ROBO1: variants seen among roughly 807,000 people sequenced by gnomAD.
ROBO1 encodes the protein roundabout homolog 1.
ROBO1 carries 149 observed loss-of-function variants against 195.9 expected under a neutral mutation model. The observed-to-expected ratio is 0.76, with a 90% CI of 0.67 to 0.87. The LOEUF (loss-of-function observed/expected upper bound fraction) is 0.87. Among genes scored for constraint, ROBO1 ranks in the 40% least tolerant of loss-of-function variants. ROBO1 has a pLI of 0.00. For synonymous variants in ROBO1, 816 were observed against 733.2 expected (o/e 1.11, Z -1.82); for missense variants, 1,933 against 2,068.3 (o/e 0.93, Z 1.27).
At chr3:79,688,193 G>A (rs1319156299) in intron 1 of ROBO1, among the ~76,000 whole-genome samples, 5 of 136,428 alleles carry the variant, frequency 3.7e-5, no homozygotes, top group Admixed American at 8.2e-5. Context: ...CACAGGAAGG[G>A]GAACATCACA....
intron 2 of ROBO1, among the ~76,000 whole-genome samples, chr3:79,388,494 G>T (rs1470829785): frequency 6.6e-6 from 1 of 151,388 alleles, no homozygotes; most frequent in Non-Finnish European, 1.5e-5. Flanking sequence ...TGGTATAATA[G>T]ATATCATCTC....
At chr3:78,677,327 T>A (rs1339620532) in intron 10 of ROBO1, among the ~76,000 whole-genome samples, 1 of 152,214 alleles carries the variant, frequency 6.6e-6, no homozygotes, top group Non-Finnish European at 1.5e-5. Context: ...ATAACAATAT[T>A]AACTTTAAAT....
chr3:79,387,285 C>T (rs138107512), intron 2 of ROBO1, among the ~76,000 whole-genome samples: 6 of 151,992 alleles, frequency 3.9e-5, no homozygotes, highest in African/African-American at 1.4e-4. Context: ...AAATTTGTAG[C>T]AGTAACTATT....
At chr3:79,304,037 T>A (rs905241346) in intron 2 of ROBO1, among the ~76,000 whole-genome samples, 5 of 152,240 alleles carry the variant, frequency 3.3e-5, no homozygotes, top group Admixed American at 6.5e-5. Context: ...TTTCATTTTT[T>A]AAAAATGTCC....
chr3:78,904,603 G>T (rs2037778825), intron 4 of ROBO1, among the ~76,000 whole-genome samples: 2 of 151,476 alleles, frequency 1.3e-5, no homozygotes, highest in South Asian at 4.1e-4. Context: ...CTCAGTAAAG[G>T]TTGGAGTGAA....
At chr3:78,866,188 G>A (rs1375843186) in intron 4 of ROBO1, among the ~76,000 whole-genome samples, 1 of 151,890 alleles carries the variant, frequency 6.6e-6, no homozygotes, top group Admixed American at 6.6e-5. Flanking sequence ...ATTTAAAACA[G>A]GAAAAGGGAA....
At chr3:78,921,412 A>G (rs1412790536) in intron 4 of ROBO1, among the ~76,000 whole-genome samples, 1 of 152,208 alleles carries the variant, frequency 6.6e-6, no homozygotes, top group Admixed American at 6.5e-5. Context: ...ACATCCAGGA[A>G]TGTACTTAAG....
chr3:79,096,828 A>T (rs955754333), intron 3 of ROBO1, among the ~76,000 whole-genome samples: 1 of 151,318 alleles, frequency 6.6e-6, no homozygotes, highest in Admixed American at 6.6e-5. Flanking sequence ...AGAAAGGAGC[A>T]TCTTTTGCAG....
chr3:79,347,745 T>G (rs1368918881), intron 2 of ROBO1, among the ~76,000 whole-genome samples: 1 of 152,294 alleles, frequency 6.6e-6, no homozygotes, highest in African/African-American at 2.4e-5. Context: ...GCACAAAAGT[T>G]ATTTAAACAC....
chr3:79,334,312 AT>A (rs1190914596), intron 2 of ROBO1, among the ~76,000 whole-genome samples: 2,349 of 39,704 alleles, frequency 0.059, 52 homozygotes, highest in African/African-American at 0.11. Flanking sequence ...AAAAAAAAAA[AT>A]ATATATATAT....
intron 3 of ROBO1, among the ~76,000 whole-genome samples, chr3:79,031,065 T>C (rs749279590): frequency 6.6e-6 from 1 of 152,120 alleles, no homozygotes; most frequent in Non-Finnish European, 1.5e-5. Context: ...TTCAGTAGGG[T>C]AATAAAGGTG....
At chr3:78,964,595 G>A (rs1019265747) in intron 3 of ROBO1, among the ~76,000 whole-genome samples, 1 of 152,084 alleles carries the variant, frequency 6.6e-6, no homozygotes, top group Admixed American at 6.5e-5. Flanking sequence ...TGCTGTTTAG[G>A]AGCACTCAAT....
At chr3:79,635,454 T>C (rs1945469442) in intron 1 of ROBO1, among the ~76,000 whole-genome samples, 2 of 152,238 alleles carry the variant, frequency 1.3e-5, no homozygotes, top group Admixed American at 6.5e-5. Context: ...AAGTAAATTA[T>C]ATTTTTTCAT....
chr3:79,569,673 G>A (rs372425796), intron 2 of ROBO1, among the ~76,000 whole-genome samples: 2,930 of 85,738 alleles, frequency 0.034, 116 homozygotes, highest in African/African-American at 0.15. Flanking sequence ...GTGTGTGTGT[G>A]TATATATGTG....
chr3:79,300,552 C>A (rs1213339870), intron 2 of ROBO1, among the ~76,000 whole-genome samples: 1 of 152,194 alleles, frequency 6.6e-6, no homozygotes, highest in African/African-American at 2.4e-5. Flanking sequence ...GAGCGCTGAC[C>A]CCCGCTCCAT....
At chr3:79,641,954 G>A (rs1276728512) in intron 1 of ROBO1, among the ~76,000 whole-genome samples, 2 of 152,144 alleles carry the variant, frequency 1.3e-5, no homozygotes, top group Non-Finnish European at 2.9e-5. Flanking sequence ...AGGAGGTTGA[G>A]GCTAAACTGA....
chr3:79,177,132 G>C (rs1446081606), intron 2 of ROBO1, among the ~76,000 whole-genome samples: 1 of 151,992 alleles, frequency 6.6e-6, no homozygotes, highest in Non-Finnish European at 1.5e-5. Flanking sequence ...TTCATTTCTT[G>C]ATTGCTATCC....
chr3:78,685,418 G>A (rs978642535), intron 10 of ROBO1, among the ~76,000 whole-genome samples: 1 of 151,978 alleles, frequency 6.6e-6, no homozygotes, highest in African/African-American at 2.4e-5. Context: ...ATAGAGGAAA[G>A]AGAAGAGATG....
At chr3:79,045,237 C>T (rs751373242) in intron 3 of ROBO1, among the ~76,000 whole-genome samples, 1 of 151,904 alleles carries the variant, frequency 6.6e-6, no homozygotes, top group East Asian at 1.9e-4. Flanking sequence ...AACAATGAAA[C>T]TAATTTTTAG....
Sources: allele counts gnomAD v4.1 joint callset (sites outside exome capture counted in the v4.1 genomes callset), GRCh38; gene constraint gnomAD v4.1.1; transcripts MANE v1.5; gene names NCBI Gene and HGNC (gene_info 2026-07-23, HGNC 2026-07-21).